GALNT11: variants seen among roughly 807,000 people sequenced by gnomAD.
GALNT11 encodes UDP-GalNAc:polypeptide N-acetylgalactosaminyltransferase 11.
A neutral mutation model predicts 72.7 loss-of-function variants in GALNT11; 47 were observed. The ratio of observed to expected loss-of-function variants is 0.65; its 90% CI spans 0.51 to 0.82. The LOEUF (loss-of-function observed/expected upper bound fraction) is 0.82. Among genes scored for constraint, GALNT11 ranks in the 40% least tolerant of loss-of-function variants. The pLI is 0.00. For synonymous variants in GALNT11, 270 were observed against 286.6 expected, an observed-to-expected ratio of 0.94 and a Z score of 0.58; for missense variants, 677 against 778.4, an observed-to-expected ratio of 0.87 and a Z score of 1.55.
chr7:152,097,988 G>A (rs1397481102), intron 2 of GALNT11, among the ~76,000 whole-genome samples: 2 of 152,078 alleles, frequency 1.3e-5, no homozygotes. Context: ...TTTATGTTAC[G>A]TGCATAATTA....
chr7:152,028,336 C>T (rs1263664627), intron 1 of GALNT11, among the ~76,000 whole-genome samples: 2 of 152,170 alleles, frequency 1.3e-5, no homozygotes, highest in African/African-American at 2.4e-5. Flanking sequence ...GCTAATTGGT[C>T]GGTTTTTACA....
intron 1 of GALNT11, among the ~76,000 whole-genome samples, chr7:152,059,745 T>C (rs1450808925): frequency 6.6e-6 from 1 of 152,228 alleles, no homozygotes; most frequent in Non-Finnish European, 1.5e-5. Context: ...AATCATGCTG[T>C]AAAACAGATG....
At chr7:152,077,925 G>A (rs1270686951) in intron 1 of GALNT11, among the ~76,000 whole-genome samples, 1 of 151,818 alleles carries the variant, frequency 6.6e-6, no homozygotes, top group Non-Finnish European at 1.5e-5. Context: ...ACAAGGAACT[G>A]GAAACTTAAT....
chr7:152,082,518 A>G (rs1403272522), intron 1 of GALNT11, among the ~76,000 whole-genome samples: 1 of 152,258 alleles, frequency 6.6e-6, no homozygotes, highest in Non-Finnish European at 1.5e-5. Flanking sequence ...AAACCTTCAA[A>G]TAAGGAAGAG....
chr7:152,043,715 G>A (rs532764991), intron 1 of GALNT11, among the ~76,000 whole-genome samples: 3 of 152,240 alleles, frequency 2.0e-5, no homozygotes, highest in African/African-American at 7.2e-5. Context: ...GGAGGGTCAG[G>A]CTACTCTTTT....
rs1303185843 is a variant in GALNT11, at chr7:152,094,932, GT to G, written c.295+411del. 2.0e-5 allele frequency among the ~76,000 whole-genome samples: 3 copies of G among 152,254 alleles called. No individual in the cohort carries two copies. In the South Asian group the frequency reaches 6.2e-4, roughly 32 times the overall value. On this transcript the variant is annotated intron_variant, in intron 2 of 11. Transcript: ENST00000430044. This position sits in a 1 kb window ranked among gnomAD's most constrained non-coding sequence, Gnocchi z 4.3. ...GCTGGGACTATAGGCATGCACCACT[GT>G]GCCCAGCCCTGGAAGAAGGTTTTAA...
intron 1 of GALNT11, among the ~76,000 whole-genome samples, chr7:152,044,081 G>A (rs762929932): frequency 5.3e-5 from 8 of 152,178 alleles, no homozygotes; most frequent in Non-Finnish European, 1.2e-4. Context: ...CCCTAACCCA[G>A]TGGTGCTAGA....
chr7:152,061,084 C>T (rs1190486445), intron 1 of GALNT11, among the ~76,000 whole-genome samples: 1 of 152,104 alleles, frequency 6.6e-6, no homozygotes, highest in East Asian at 1.9e-4. Flanking sequence ...GTTTACAGTC[C>T]CACCAACAGT....
At chr7:152,048,268 C>A (rs540528630) in intron 1 of GALNT11, among the ~76,000 whole-genome samples, 1 of 152,042 alleles carries the variant, frequency 6.6e-6, no homozygotes, top group Admixed American at 6.5e-5. Flanking sequence ...TGCTGCCAGA[C>A]ATATTGGAGC....
intron 1 of GALNT11, among the ~76,000 whole-genome samples, chr7:152,087,816 G>A (rs1036225276): frequency 1.3e-5 from 2 of 152,190 alleles, no homozygotes; most frequent in East Asian, 1.9e-4. Flanking sequence ...TTTACCTTGT[G>A]TAATTCTGAG....
chr7:152,083,779 G>A (rs1219809984), intron 1 of GALNT11, among the ~76,000 whole-genome samples: 1 of 152,176 alleles, frequency 6.6e-6, no homozygotes, highest in Non-Finnish European at 1.5e-5. Flanking sequence ...AACTTAGGGA[G>A]AAATGACGTA....
intron 1 of GALNT11, among the ~76,000 whole-genome samples, chr7:152,069,623 C>T (rs910891341): frequency 6.6e-6 from 1 of 152,192 alleles, no homozygotes; most frequent in Non-Finnish European, 1.5e-5. Context: ...AAGACTGTTA[C>T]GTCTTCTTGG....
At chr7:152,026,430 C>T (rs1295794532) in intron 1 of GALNT11, among the ~76,000 whole-genome samples, 2 of 152,136 alleles carry the variant, frequency 1.3e-5, no homozygotes, top group African/African-American at 2.4e-5. Flanking sequence ...CACCCTTTGG[C>T]CAGGAGGAAA....
intron 1 of GALNT11, among the ~76,000 whole-genome samples, chr7:152,090,992 A>G (rs111870748): frequency 2.2e-4 from 33 of 152,192 alleles, no homozygotes; most frequent in African/African-American, 7.9e-4. Flanking sequence ...CTGAAGACAT[A>G]GGGGTAGATG....
chr7:152,028,881 A>G (rs2082171719), intron 1 of GALNT11, among the ~76,000 whole-genome samples: 1 of 152,184 alleles, frequency 6.6e-6, no homozygotes, highest in South Asian at 2.1e-4. Flanking sequence ...TTGGAGTTCC[A>G]TTTGTAAGAC....
At chr7:152,074,659 G>GT (rs2084845110) in intron 1 of GALNT11, among the ~76,000 whole-genome samples, 3 of 152,310 alleles carry the variant, frequency 2.0e-5, no homozygotes, top group African/African-American at 7.2e-5. Flanking sequence ...GTGGTGAAGT[G>GT]TGAGGGAGGG....
At chr7:152,113,712 C>CTTTTTTTTTTTTTTTTTTT (rs6150397) in intron 8 of GALNT11, among the ~76,000 whole-genome samples, 11 of 97,024 alleles carry the variant, frequency 1.1e-4, no homozygotes, top group Non-Finnish European at 1.6e-4. Context: ...AGTTGGCTTT[C>CTTTTTTTTTTTTTTTTTTT]TTTTTTTTTT....
rs1169781085 is a variant in GALNT11, at chr7:152,094,084, G to A, written c.-38-106G>A. ...TCTTGTATTTGAATATCCGTTAACT[G>A]TACGCATAGTGGTCCTACTTGGTGG... On this transcript the variant is annotated intron_variant, in intron 1 of 11. Transcript: ENST00000430044. This position sits in a 1 kb window ranked among gnomAD's most constrained non-coding sequence, Gnocchi z 4.3. 2.3e-6 allele frequency: 2 copies of A among 870,584 alleles called. No homozygotes were observed. The highest frequency in any genetic ancestry group is 1.8e-6 in the Non-Finnish European group (1 of 558,340). 53.9% of individuals were successfully genotyped at this position (870,584 alleles called of 1,614,324 possible).
intron 1 of GALNT11, among the ~76,000 whole-genome samples, chr7:152,066,071 T>C (rs907548337): frequency 6.6e-6 from 1 of 152,236 alleles, no homozygotes; most frequent in African/African-American, 2.4e-5. Flanking sequence ...GGCCTTGAGC[T>C]GCGGTGGGCT....
Sources: allele counts gnomAD v4.1 joint callset (sites outside exome capture counted in the v4.1 genomes callset), GRCh38; gene constraint gnomAD v4.1.1; non-coding constraint Gnocchi (gnomAD v3.1); transcripts MANE v1.5; gene names NCBI Gene and HGNC (gene_info 2026-07-23, HGNC 2026-07-21).